Variants in ASIC2 observed in about 807,000 individuals in gnomAD.
The protein encoded by ASIC2 is acid sensing ion channel subunit 2, also known as acid-sensing ion channel 2.
In ASIC2, 25 loss-of-function variants were observed where a neutral mutation model predicts 57.3. The ratio of observed to expected loss-of-function variants is 0.44; its 90% CI spans 0.32 to 0.61. ASIC2 has a LOEUF of 0.61. ASIC2 is among the 20% of genes least tolerant of loss of function. The pLI is 0.06. For synonymous variants in ASIC2, 319 were observed against 307.5 expected, an observed-to-expected ratio of 1.04 and a Z score of -0.39; for missense variants, 641 against 738.1, an observed-to-expected ratio of 0.87 and a Z score of 1.52.
At chr17:33,973,958 C>T (rs1467466351) in intron 1 of ASIC2, among the ~76,000 whole-genome samples, 2 of 152,120 alleles carry the variant, frequency 1.3e-5, no homozygotes, top group Non-Finnish European at 2.9e-5. Context: ...ATCATCCTCC[C>T]ACCTGGTCCA....
intron 1 of ASIC2, among the ~76,000 whole-genome samples, chr17:33,229,930 T>C (rs892086815): frequency 2.6e-5 from 4 of 152,308 alleles, no homozygotes; most frequent in African/African-American, 9.6e-5. Context: ...TTGATGGACA[T>C]GTGAACTACG....
chr17:33,643,148 C>T (rs200064346), intron 1 of ASIC2, among the ~76,000 whole-genome samples: 1 of 16,778 alleles, frequency 6.0e-5, no homozygotes, highest in Non-Finnish European at 1.0e-4. Flanking sequence ...ATGCTCATTT[C>T]CCCCCCCCCA....
At chr17:33,324,448 G>A (rs1260221996) in intron 1 of ASIC2, among the ~76,000 whole-genome samples, 2 of 152,188 alleles carry the variant, frequency 1.3e-5, no homozygotes. Flanking sequence ...CCCATTTATT[G>A]CCTGCCTGCT....
chr17:33,591,001 A>T (rs1483742513), intron 1 of ASIC2, among the ~76,000 whole-genome samples: 1 of 152,208 alleles, frequency 6.6e-6, no homozygotes, highest in East Asian at 1.9e-4. Flanking sequence ...CTTAGCCTTC[A>T]GTCTGGTCAT....
Position 33,425,927 on chromosome 17 carries a change from C to A in ASIC2, c.556-313860G>T, listed in dbSNP as rs376215636. Among the ~76,000 whole-genome samples the A allele has an allele frequency of 4.6e-5, 7 of 152,166 alleles. No homozygotes were observed. The East Asian group carries it at 1.2e-3, about 25-fold the overall frequency. On this transcript the variant is annotated intron_variant, in intron 1 of 9. Transcript: ENST00000359872. ...TAGGAGACCCGGTCAGGCGCAGCGC[C>A]AACAAAAATGGCTGTAGGGGTGGAA...
intron 3 of ASIC2, among the ~76,000 whole-genome samples, chr17:33,062,445 G>A (rs1040854297): frequency 6.6e-6 from 1 of 152,184 alleles, no homozygotes; most frequent in African/African-American, 2.4e-5. Flanking sequence ...GGAGCAGCTT[G>A]TTCAGTTTCC....
At chr17:33,581,712 T>G (rs1904446238) in intron 1 of ASIC2, among the ~76,000 whole-genome samples, 1 of 152,194 alleles carries the variant, frequency 6.6e-6, no homozygotes, top group South Asian at 2.1e-4. Flanking sequence ...ATTTGGCCTG[T>G]GGCTAATTAA....
chr17:33,822,713 G>T (rs1912783114), intron 1 of ASIC2, among the ~76,000 whole-genome samples: 1 of 152,164 alleles, frequency 6.6e-6, no homozygotes, highest in South Asian at 2.1e-4. Context: ...GGTAATGTTT[G>T]GGTGGGACAC....
At chr17:33,079,288 C>G (rs571175185) in intron 3 of ASIC2, among the ~76,000 whole-genome samples, 13 of 152,208 alleles carry the variant, frequency 8.5e-5, no homozygotes, top group Admixed American at 5.2e-4. Context: ...GAGATTTCCA[C>G]ATAATACTCT....
At chr17:33,968,898 G>A (rs1431186422) in intron 1 of ASIC2, among the ~76,000 whole-genome samples, 2 of 152,236 alleles carry the variant, frequency 1.3e-5, no homozygotes, top group Admixed American at 1.3e-4. Context: ...GGGACAGGGG[G>A]CTTGTGACAG....
At chr17:33,208,367 C>T (rs527751626) in intron 1 of ASIC2, among the ~76,000 whole-genome samples, 1 of 152,292 alleles carries the variant, frequency 6.6e-6, no homozygotes, top group East Asian at 1.9e-4. Flanking sequence ...AAGCTCCTTA[C>T]TCAGGGCTTG....
chr17:34,079,249 C>T (rs1322150498), intron 1 of ASIC2: 1 of 152,296 alleles, frequency 6.6e-6, no homozygotes, highest in African/African-American at 2.4e-5. Context: ...CTCCATCACG[C>T]TTTGCCTCTC....
intron 1 of ASIC2, among the ~76,000 whole-genome samples, chr17:33,628,000 A>T (rs1906039507): frequency 6.6e-6 from 1 of 152,070 alleles, no homozygotes; most frequent in African/African-American, 2.4e-5. Flanking sequence ...ACTGCACTCC[A>T]GCCTGGGGGA....
chr17:33,563,522 A>G (rs950278000), intron 1 of ASIC2, among the ~76,000 whole-genome samples: 3 of 152,122 alleles, frequency 2.0e-5, no homozygotes, highest in African/African-American at 7.2e-5. Context: ...TTTTTCACTA[A>G]ATGCTGAAGG....
At chr17:34,089,683 T>A (rs1910252601) in intron 1 of ASIC2, among the ~76,000 whole-genome samples, 1 of 151,976 alleles carries the variant, frequency 6.6e-6, no homozygotes, top group Admixed American at 6.5e-5. Flanking sequence ...CAAGCCCCCA[T>A]TTGCTGCAGA....
chr17:33,285,113 G>A (rs888283512), intron 1 of ASIC2, among the ~76,000 whole-genome samples: 3 of 152,302 alleles, frequency 2.0e-5, no homozygotes, highest in South Asian at 2.1e-4. Flanking sequence ...ACCGACCCGC[G>A]AAGCAAATGT....
At chr17:33,211,426 C>T (rs996811346) in intron 1 of ASIC2, among the ~76,000 whole-genome samples, 4 of 151,892 alleles carry the variant, frequency 2.6e-5, no homozygotes, top group South Asian at 2.1e-4. Context: ...CATTAACCAG[C>T]GCACGCTAGG....
chr17:33,810,242 G>A lies in ASIC2; in HGVS notation c.555+345736C>T, dbSNP rs540003540. ...ATTAGGGTATTTCTGGCAGGGAAAT[G>A]TCTTAACGTTTTAGGGAATTAGGAA... is the stretch of plus-strand genomic sequence containing the variant. On this transcript the variant is annotated intron_variant, in intron 1 of 9. Coordinates refer to the ASIC2 transcript ENST00000359872. 9.2e-4 allele frequency among the ~76,000 whole-genome samples: 140 copies of A among 152,346 alleles called. 2 individuals carry two copies. Among genetic ancestry groups the A allele is most frequent in the African/African-American group, 3.0e-3 (125 of 41,580 alleles).
intron 1 of ASIC2, among the ~76,000 whole-genome samples, chr17:33,930,214 G>C (rs1567759214): frequency 6.6e-6 from 1 of 152,322 alleles, no homozygotes; most frequent in African/African-American, 2.4e-5. Context: ...TATCACTTAC[G>C]GGTTTCCCCT....
Sources: gnomAD v4.1 joint callset for allele counts (sites outside exome capture counted in the v4.1 genomes callset) on GRCh38, gnomAD v4.1.1 for gene constraint, MANE v1.5 for transcripts, NCBI Gene and HGNC (gene_info 2026-07-23, HGNC 2026-07-21) for gene names.